PEPD: variants seen among roughly 807,000 people sequenced by gnomAD.
PEPD encodes the protein xaa-Pro dipeptidase.
Under a neutral mutation model 60.7 loss-of-function variants are expected in PEPD, and 53 were observed. The observed-to-expected ratio is 0.87, with a 90% CI of 0.70 to 1.10. The LOEUF (loss-of-function observed/expected upper bound fraction) is 1.10. PEPD is among the 50% of genes least tolerant of loss of function. The pLI is 0.00. For synonymous variants in PEPD, 267 were observed against 284.1 expected (o/e 0.94, Z 0.60); for missense variants, 711 against 711.9 (o/e 1.00, Z 0.01).
chr19:33,393,616 T>TG (rs2145332439), intron 12 of PEPD, among the ~76,000 whole-genome samples: 1 of 150,256 alleles, frequency 6.7e-6, no homozygotes, highest in Admixed American at 6.6e-5. Context: ...CTGTGTCACC[T>TG]GGGGGCTGGA....
At chr19:33,449,220 C>G (rs1969651143) in intron 9 of PEPD, among the ~76,000 whole-genome samples, 1 of 152,236 alleles carries the variant, frequency 6.6e-6, no homozygotes. Context: ...TCATAGCCCC[C>G]TCCTCAGCTC....
chr19:33,410,670 T>C (rs1265966234), intron 11 of PEPD, among the ~76,000 whole-genome samples: 2 of 152,138 alleles, frequency 1.3e-5, no homozygotes, highest in African/African-American at 4.8e-5. Context: ...CATGCCATGC[T>C]GCTGGGGGGC....
chr19:33,453,500 T>C lies in PEPD; in HGVS notation c.671+9495A>G, dbSNP rs554232065. On this transcript the variant is annotated intron_variant, in intron 9 of 14. Transcript: ENST00000244137. ...GCGTTTAGCAAGCCTACTGGTGCCA[T>C]TTTTCCAACAGCATGTGTTCACTTT... is the stretch of plus-strand genomic sequence containing the variant. Among the ~76,000 whole-genome samples the C allele has an allele frequency of 1.3e-5, 2 of 152,342 alleles. 1 individual carries two copies. Among genetic ancestry groups the C allele is most frequent in the South Asian group, 4.1e-4 (2 of 4,832 alleles).
intron 12 of PEPD, among the ~76,000 whole-genome samples, chr19:33,395,379 C>T (rs1968336422): frequency 6.6e-6 from 1 of 152,164 alleles, no homozygotes; most frequent in South Asian, 2.1e-4. Context: ...GCCCCAGCTT[C>T]TCTCATGGCT....
intron 10 of PEPD, among the ~76,000 whole-genome samples, chr19:33,412,545 A>G (rs1968801187): frequency 6.6e-6 from 1 of 152,180 alleles, no homozygotes; most frequent in South Asian, 2.1e-4. Context: ...CTGCCTGAGA[A>G]GGCTTCCCTA....
intron 11 of PEPD, among the ~76,000 whole-genome samples, chr19:33,405,810 T>C (rs1469873844): frequency 6.6e-6 from 1 of 152,182 alleles, no homozygotes; most frequent in African/African-American, 2.4e-5. Context: ...TGCCCCCTTT[T>C]CGTGTGACGG....
At chr19:33,442,536 T>TAA (rs770070278) in intron 9 of PEPD, among the ~76,000 whole-genome samples, 6 of 116,620 alleles carry the variant, frequency 5.1e-5, no homozygotes, top group Admixed American at 9.2e-5. Flanking sequence ...CCATCTCTAC[T>TAA]AAAAATAAAA....
intron 7 of PEPD, among the ~76,000 whole-genome samples, chr19:33,467,996 T>G (rs1970051337): frequency 6.6e-6 from 1 of 151,714 alleles, no homozygotes; most frequent in African/African-American, 2.4e-5. Context: ...ACAGCGCGAG[T>G]AAACACACAA....
At position 33,504,759 on chromosome 19, in the gene PEPD, C is replaced by CA. The variant is rs74174667; in HGVS notation, c.330-3759dup. ...GGGTGATGAGATCAAAACTCTGTCT[C>CA]AAAAAAAAAAAAGAAAAAGAAATTA... On this transcript the variant is annotated intron_variant, in intron 3 of 14. Transcript: ENST00000244137. Among the ~76,000 whole-genome samples the CA allele has an allele frequency of 9.9e-3, 1,361 of 137,250 alleles. 10 individuals carry two copies. Among genetic ancestry groups the CA allele is most frequent in the African/African-American group, 0.012 (434 of 37,300 alleles). The allele number at this position is 137,250 out of a possible 152,430, so 90.0% of individuals were successfully genotyped here.
intron 9 of PEPD, among the ~76,000 whole-genome samples, chr19:33,434,283 TCCC>T (rs1227925238): frequency 6.6e-6 from 1 of 151,956 alleles, no homozygotes; most frequent in African/African-American, 2.4e-5. Context: ...TCTAGACTCC[TCCC>T]CCACCTCATG....
intron 7 of PEPD, among the ~76,000 whole-genome samples, chr19:33,473,360 A>C (rs1970161880): frequency 6.6e-6 from 1 of 152,020 alleles, no homozygotes; most frequent in Non-Finnish European, 1.5e-5. Flanking sequence ...GTTACCCAGG[A>C]TGTAGAATCC....
chr19:33,433,535 A>G (rs765826497), intron 9 of PEPD, among the ~76,000 whole-genome samples: 5 of 152,214 alleles, frequency 3.3e-5, no homozygotes, highest in Non-Finnish European at 7.3e-5. Context: ...ATATATTACA[A>G]TGGGCTCCTG....
chr19:33,499,265 T>C (rs1309245730), intron 4 of PEPD, among the ~76,000 whole-genome samples: 2 of 152,108 alleles, frequency 1.3e-5, no homozygotes, highest in South Asian at 2.1e-4. Flanking sequence ...TAAAGATCCA[T>C]CAAAAGCCTC....
intron 9 of PEPD, among the ~76,000 whole-genome samples, chr19:33,459,750 T>C (rs568441878): frequency 6.6e-6 from 1 of 152,012 alleles, no homozygotes; most frequent in African/African-American, 2.4e-5. Flanking sequence ...GGCTTAGAAC[T>C]GGAGGTCCAG....
intron 6 of PEPD, among the ~76,000 whole-genome samples, chr19:33,488,601 C>T (rs1412945797): frequency 6.6e-6 from 1 of 152,098 alleles, no homozygotes; most frequent in Non-Finnish European, 1.5e-5. Context: ...TAATTGCTGC[C>T]AGGCGTGGGA....
chr19:33,512,458 C>G lies in PEPD; in HGVS notation c.201+135G>C, dbSNP rs1168675962. Reference sequence around the variant, plus strand: ...ACATCTTCAAGGAGCCCCTGGACCACTTCCCAGGCGAGGAAACAGAGGCTC... The same window carrying G: ...ACATCTTCAAGGAGCCCCTGGACCAGTTCCCAGGCGAGGAAACAGAGGCTC... On this transcript the variant is annotated intron_variant, in intron 2 of 14. Coordinates refer to ENST00000244137, the MANE Select transcript of PEPD (RefSeq NM_000285.4). 3 of 846,544 alleles carry G rather than the reference C, an allele frequency of 3.5e-6. No homozygotes were observed. In the African/African-American group the frequency reaches 5.0e-5, roughly 14 times the overall value. The allele number at this position is 846,544 out of a possible 1,614,324, so 52.4% of individuals were successfully genotyped here.
intron 12 of PEPD, among the ~76,000 whole-genome samples, chr19:33,400,985 C>T (rs1007128578): frequency 2.0e-5 from 3 of 152,172 alleles, no homozygotes; most frequent in African/African-American, 7.2e-5. Context: ...GATGCTGGCT[C>T]CCCTCCAGGG....
chr19:33,521,681 G>C, intron 1 of PEPD, 63 bp downstream of exon 1: 2 of 1,527,926 alleles, frequency 1.3e-6, no homozygotes, highest in Non-Finnish European at 1.8e-6. Context: ...CCCGCGGTCC[G>C]GCCGGGACAC....
intron 6 of PEPD, among the ~76,000 whole-genome samples, chr19:33,484,471 G>A (rs1018658055): frequency 6.6e-6 from 1 of 151,964 alleles, no homozygotes; most frequent in African/African-American, 2.4e-5. Context: ...ACAGGCATAC[G>A]CTTGGAAAAG....
Sources: gnomAD v4.1 joint callset for allele counts (sites outside exome capture counted in the v4.1 genomes callset) on GRCh38, gnomAD v4.1.1 for gene constraint, MANE v1.5 for transcripts, NCBI Gene and HGNC (gene_info 2026-07-23, HGNC 2026-07-21) for gene names.